Variants in AIDA observed in about 807,000 individuals in gnomAD.
AIDA encodes axin interactor, dorsalization associated, also known as axin interactor, dorsalization-associated protein.
Under a neutral mutation model 42.7 loss-of-function variants are expected in AIDA, and 18 were observed. The ratio of observed to expected loss-of-function variants is 0.42; its 90% CI spans 0.29 to 0.63. AIDA has a LOEUF of 0.63. Ranked by LOEUF, AIDA falls within the 20% of genes least tolerant of loss-of-function variation. The probability of loss-of-function intolerance (pLI) is 0.19; values close to 1 mark genes in which losing one functional copy is unlikely to be tolerated. For synonymous variants in AIDA, 104 were observed against 122.9 expected (o/e 0.85, Z 1.02); for missense variants, 250 against 354.1 (o/e 0.71, Z 2.36).
intron 8 of AIDA, among the ~76,000 whole-genome samples, chr1:222,671,722 C>T (rs1299561666): frequency 1.3e-5 from 2 of 151,016 alleles, no homozygotes; most frequent in Non-Finnish European, 3.0e-5. Flanking sequence ...AACATCTCTT[C>T]CCTAGGTGTG....
In AIDA at chr1:222,712,485, A is replaced by G; in HGVS notation, c.-168T>C. 1 of 1,414,622 alleles carries G rather than the reference A, an allele frequency of 7.1e-7. No homozygotes were observed. Among genetic ancestry groups the G allele is most frequent in the Non-Finnish European group, 9.2e-7 (1 of 1,087,492 alleles). 87.6% of individuals were successfully genotyped at this position (1,414,622 alleles called of 1,614,324 possible). A position where few individuals can be genotyped will look rare whatever the true frequency, so the allele number is the denominator to read the frequency against. On this transcript the variant is annotated 5_prime_UTR_variant, in exon 1 of 10. Coordinates refer to ENST00000340020, the MANE Select transcript of AIDA (RefSeq NM_022831.4). ...CCAAGCCCATTTGCCGCCACAGCCA[A>G]ACTTTGCGGCTCCAAAGCGACCGCC... is the stretch of plus-strand genomic sequence containing the variant.
chr1:222,670,690 CA>C (rs1428602445), intron 8 of AIDA, among the ~76,000 whole-genome samples: 2 of 152,120 alleles, frequency 1.3e-5, no homozygotes, highest in African/African-American at 4.8e-5. Context: ...AACAAAAACT[CA>C]AAAATTCAAT....
At chr1:222,704,692 G>A (rs983009627) in intron 1 of AIDA, among the ~76,000 whole-genome samples, 3 of 152,052 alleles carry the variant, frequency 2.0e-5, no homozygotes, top group Non-Finnish European at 2.9e-5. Context: ...GGTTTCTTTC[G>A]GGAGTGATGG....
chr1:222,701,544 G>A (rs533101469), intron 2 of AIDA, among the ~76,000 whole-genome samples: 13 of 152,144 alleles, frequency 8.5e-5, no homozygotes, highest in African/African-American at 2.4e-4. Context: ...TGTGATGCCA[G>A]CTGATCATTT....
At chr1:222,697,277 T>C (rs1329890575) in intron 2 of AIDA, among the ~76,000 whole-genome samples, 1 of 150,432 alleles carries the variant, frequency 6.6e-6, no homozygotes, top group Non-Finnish European at 1.5e-5. Context: ...GACTGAACTA[T>C]GGCAAAATAC....
Position 222,673,344 on chromosome 1 carries a change from C to G in AIDA, c.675G>C (p.Glu225Asp). ...DTYVHFNVDI[E>D]LQKHVEKLTK... ...TTAATTTTTCAACATGCTTCTGGAG[C>G]TCAATGTCCACATTAAAATGAACAT... The change falls in exon 8 of 10, where the codon GAG becomes GAC. Residue 225 changes from glutamate (E) to aspartate (D), a missense_variant. Coordinates refer to ENST00000340020, the MANE Select transcript of AIDA (RefSeq NM_022831.4). 1 of 1,608,846 alleles carries G rather than the reference C, an allele frequency of 6.2e-7. No individual in the cohort carries two copies. The highest frequency in any genetic ancestry group is 1.7e-4 in the Middle Eastern group (1 of 6,046).
At chr1:222,679,937 A>C (rs1244681053) in intron 6 of AIDA, among the ~76,000 whole-genome samples, 1 of 152,256 alleles carries the variant, frequency 6.6e-6, no homozygotes, top group African/African-American at 2.4e-5. Flanking sequence ...CTGTATGGCT[A>C]CAACTGTCTA....
At chr1:222,687,995 C>A (rs746707271) in intron 4 of AIDA, among the ~76,000 whole-genome samples, 1 of 152,014 alleles carries the variant, frequency 6.6e-6, no homozygotes, top group Non-Finnish European at 1.5e-5. Flanking sequence ...TGCCTCCTCC[C>A]TATAGTACTT....
Position 222,712,255 on chromosome 1 carries a change from G to A in AIDA, c.63C>T (p.Asp21=), listed in dbSNP as rs1656097433. ...CCACCAGCTGGCCCCAAGAGTCGAA[G>A]TCGGCGCCTCTCCTAAAACTGGCGC... is the stretch of plus-strand genomic sequence containing the variant. The part of the protein sequence containing the change: ...RWGASFRRGA[D]FDSWGQLVEA... The change falls in exon 1 of 10, where the codon GAC becomes GAT. Residue 21 remains aspartate (D), a synonymous_variant. Coordinates refer to ENST00000340020, the MANE Select transcript of AIDA (RefSeq NM_022831.4). 1 of 1,598,202 alleles carries A rather than the reference G, an allele frequency of 6.3e-7. No individual in the cohort carries two copies. The highest frequency in any genetic ancestry group is 1.3e-5 in the African/African-American group (1 of 74,476).
intron 7 of AIDA, among the ~76,000 whole-genome samples, 166 bp from the exon 8 acceptor site, chr1:222,673,601 C>A (rs570051668): frequency 6.2e-4 from 94 of 150,744 alleles, no homozygotes; most frequent in African/African-American, 2.2e-3. Flanking sequence ...ATGGTGAAAC[C>A]CCGTCTCTAC....
chr1:222,692,265 C>T (rs1162786248), intron 4 of AIDA, among the ~76,000 whole-genome samples: 1 of 152,098 alleles, frequency 6.6e-6, no homozygotes, highest in Non-Finnish European at 1.5e-5. Context: ...GGGTTGGGGA[C>T]TCACTGGCTC....
chr1:222,684,189 G>A (rs764025031), intron 6 of AIDA, among the ~76,000 whole-genome samples: 50 of 151,708 alleles, frequency 3.3e-4, no homozygotes, highest in Non-Finnish European at 6.3e-4. Flanking sequence ...CTTAGCTCAC[G>A]GCACCTCCGC....
intron 6 of AIDA, among the ~76,000 whole-genome samples, chr1:222,680,606 C>A (rs1291094460): frequency 6.6e-6 from 1 of 152,122 alleles, no homozygotes; most frequent in Non-Finnish European, 1.5e-5. Context: ...ATGGTTGTAC[C>A]TGGATGGATA....
rs989215662 is a variant in AIDA, at chr1:222,712,461, C to T, written c.-144G>A. On this transcript the variant is annotated 5_prime_UTR_variant, in exon 1 of 10. Transcript: ENST00000340020. ...CACCGCCACCCGCCGAGGAGCCGCC[C>T]AAGCCCATTTGCCGCCACAGCCAAA... 1 of 1,429,900 alleles carries T rather than the reference C, an allele frequency of 7.0e-7. No homozygotes were observed. The highest frequency in any genetic ancestry group is 1.5e-5 in the African/African-American group (1 of 68,826). The allele number at this position is 1,429,900 out of a possible 1,614,324, so 88.6% of individuals were successfully genotyped here.
intron 6 of AIDA, among the ~76,000 whole-genome samples, chr1:222,680,408 A>G (rs1450269355): frequency 6.6e-6 from 1 of 152,210 alleles, no homozygotes; most frequent in Non-Finnish European, 1.5e-5. Flanking sequence ...AAACTGGAGG[A>G]AATTTTTCAA....
chr1:222,710,060 A>G (rs896624996), intron 1 of AIDA, among the ~76,000 whole-genome samples: 60 of 152,226 alleles, frequency 3.9e-4, no homozygotes, highest in African/African-American at 1.4e-3. Context: ...ACATCCAGTC[A>G]GTAACTAAAT....
chr1:222,700,971 T>TGG (rs769851386), intron 2 of AIDA, among the ~76,000 whole-genome samples: 1,376 of 104,880 alleles, frequency 0.013, 34 homozygotes, highest in Admixed American at 0.028. Flanking sequence ...TGATTTTTTT[T>TGG]GGGGGGGGGG....
At chr1:222,674,241 C>A (rs1664507002) in intron 7 of AIDA, among the ~76,000 whole-genome samples, 1 of 151,786 alleles carries the variant, frequency 6.6e-6, no homozygotes, top group Non-Finnish European at 1.5e-5. Flanking sequence ...ACCACAGAGG[C>A]ATGTGGAGGG....
intron 2 of AIDA, among the ~76,000 whole-genome samples, chr1:222,702,015 C>T (rs1303539076): frequency 7.2e-6 from 1 of 138,122 alleles, no homozygotes; most frequent in African/African-American, 2.5e-5. Context: ...TAAGCTACCA[C>T]ACCCAGCCAA....
Sources: allele counts gnomAD v4.1 joint callset (sites outside exome capture counted in the v4.1 genomes callset), GRCh38; gene constraint gnomAD v4.1.1; transcripts MANE v1.5; gene names NCBI Gene and HGNC (gene_info 2026-07-23, HGNC 2026-07-21).